The following TSPAN9 variants were observed in gnomAD, a reference collection of about 807,000 sequenced individuals.
TSPAN9 encodes tetraspanin 9, also known as tetraspanin-9.
Under a neutral mutation model 31.0 loss-of-function variants are expected in TSPAN9, and 16 were observed. The observed-to-expected ratio is 0.52, with a 90% CI of 0.35 to 0.78. The LOEUF (loss-of-function observed/expected upper bound fraction) is 0.78, where lower values mean the gene tolerates loss of function less well. Among genes scored for constraint, TSPAN9 ranks in the 30% least tolerant of loss-of-function variants. The pLI is 0.01. For synonymous variants in TSPAN9, 145 were observed against 121.6 expected (o/e 1.19, Z -1.27); for missense variants, 272 against 312.5 (o/e 0.87, Z 0.98).
chr12:3,259,296 G>A (rs1367143901), intron 3 of TSPAN9, among the ~76,000 whole-genome samples: 2 of 152,146 alleles, frequency 1.3e-5, no homozygotes, highest in African/African-American at 4.8e-5. Context: ...CCGTAACTCA[G>A]TACCCTGCTA....
intron 2 of TSPAN9, among the ~76,000 whole-genome samples, chr12:3,133,227 C>T (rs897546343): frequency 7.9e-5 from 12 of 152,124 alleles, no homozygotes; most frequent in African/African-American, 2.4e-4. Context: ...CCACCCATCC[C>T]GGAAAAAGAG....
chr12:3,194,727 CAG>C (rs1040419591), intron 2 of TSPAN9, among the ~76,000 whole-genome samples: 1 of 152,292 alleles, frequency 6.6e-6, no homozygotes, highest in African/African-American at 2.4e-5. Context: ...AAAAAACAAA[CAG>C]ATTAAAAACA....
At chr12:3,233,750 C>T (rs1019617116) in intron 3 of TSPAN9, among the ~76,000 whole-genome samples, 7 of 152,190 alleles carry the variant, frequency 4.6e-5, no homozygotes, top group African/African-American at 1.4e-4. Flanking sequence ...AATAATAGTT[C>T]CTCTATGGCA....
At chr12:3,157,102 GT>G (rs748785165) in intron 2 of TSPAN9, among the ~76,000 whole-genome samples, 110 of 142,796 alleles carry the variant, frequency 7.7e-4, no homozygotes, top group Middle Eastern at 3.6e-3. Context: ...TGAATGTGGT[GT>G]TTTTTTTTTT....
In TSPAN9 at chr12:3,284,214, C is replaced by T. The variant is rs1375381999; in HGVS notation, c.*1098C>T. 1 of 152,676 alleles carries T rather than the reference C, an allele frequency of 6.5e-6. No homozygotes were observed. Among genetic ancestry groups the T allele is most frequent in the Non-Finnish European group, 1.5e-5 (1 of 68,060 alleles). The allele number at this position is 152,676 out of a possible 1,614,324, so 9.5% of individuals were successfully genotyped here. Reference sequence around the variant, plus strand: ...CACAGACATTCCTGCTAGAAACTGTCAGACAAATACCTCTCTAGTTCGGAT... The same window carrying T: ...CACAGACATTCCTGCTAGAAACTGTTAGACAAATACCTCTCTAGTTCGGAT... On this transcript the variant is annotated 3_prime_UTR_variant, in exon 9 of 9. Coordinates refer to ENST00000011898, the MANE Select transcript of TSPAN9 (RefSeq NM_006675.5).
intron 2 of TSPAN9, among the ~76,000 whole-genome samples, chr12:3,112,746 G>A (rs2098319785): frequency 7.8e-6 from 1 of 128,086 alleles, no homozygotes; most frequent in South Asian, 2.7e-4. Context: ...TGAGTGGTAT[G>A]ACCATAGCTC....
intron 3 of TSPAN9, among the ~76,000 whole-genome samples, chr12:3,202,763 G>T (rs2098372683): frequency 6.6e-6 from 1 of 152,144 alleles, no homozygotes; most frequent in South Asian, 2.1e-4. Context: ...TCCCCTAGTT[G>T]TCACCATGGG....
chr12:3,162,508 C>T (rs1301386644), intron 2 of TSPAN9, among the ~76,000 whole-genome samples: 3 of 152,000 alleles, frequency 2.0e-5, no homozygotes, highest in Non-Finnish European at 4.4e-5. Context: ...TCTTGTTCTA[C>T]CTGGAGAGGT....
At chr12:3,281,929 C>G (rs1385969838) in intron 8 of TSPAN9, 112 bp downstream of exon 8, 3 of 1,187,212 alleles carry the variant, frequency 2.5e-6, no homozygotes, top group Non-Finnish European at 3.7e-6. Flanking sequence ...GTCTGGAATT[C>G]ATCACAGCTA....
chr12:3,081,076 A>G (rs1185317445), intron 1 of TSPAN9, among the ~76,000 whole-genome samples: 1 of 152,180 alleles, frequency 6.6e-6, no homozygotes, highest in East Asian at 1.9e-4. Context: ...TGAGGATAAC[A>G]ATACCAAGTA....
chr12:3,105,765 C>A (rs978610803), intron 2 of TSPAN9, among the ~76,000 whole-genome samples: 1 of 71,534 alleles, frequency 1.4e-5, no homozygotes, highest in East Asian at 7.8e-4. Context: ...CACGCACACA[C>A]GCGCACGCAC....
chr12:3,184,132 G>A (rs2098359836), intron 2 of TSPAN9, among the ~76,000 whole-genome samples: 1 of 152,170 alleles, frequency 6.6e-6, no homozygotes, highest in Non-Finnish European at 1.5e-5. Flanking sequence ...GTGCACACCT[G>A]TAATCCCAGC....
chr12:3,274,885 A>G (rs1007837700), intron 3 of TSPAN9, among the ~76,000 whole-genome samples: 2 of 152,230 alleles, frequency 1.3e-5, no homozygotes, highest in South Asian at 2.1e-4. Flanking sequence ...GGGAGCTGTG[A>G]TGGAGGCAGG....
intron 3 of TSPAN9, among the ~76,000 whole-genome samples, chr12:3,256,746 G>A (rs117855192): frequency 0.013 from 1,956 of 152,200 alleles, 15 homozygotes; most frequent in Non-Finnish European, 0.02. Context: ...CGACTATTTC[G>A]CATTGCCTAC....
At chr12:3,221,446 C>A (rs755129180) in intron 3 of TSPAN9, among the ~76,000 whole-genome samples, 1 of 150,226 alleles carries the variant, frequency 6.7e-6, no homozygotes, top group Admixed American at 6.6e-5. Flanking sequence ...GCAATCTCTG[C>A]CCCCCAGGTT....
intron 2 of TSPAN9, among the ~76,000 whole-genome samples, chr12:3,164,208 C>T (rs1226811006): frequency 6.6e-6 from 1 of 152,180 alleles, no homozygotes; most frequent in Non-Finnish European, 1.5e-5. Flanking sequence ...TGAGTTTTTG[C>T]TTTCTATTAT....
chr12:3,123,219 C>G (rs928643050), intron 2 of TSPAN9, among the ~76,000 whole-genome samples: 1 of 152,320 alleles, frequency 6.6e-6, no homozygotes, highest in Non-Finnish European at 1.5e-5. Flanking sequence ...GCATCCCTCA[C>G]CTGCATCCAA....
In TSPAN9 at chr12:3,172,282, T is replaced by C. The variant is rs2098352334; in HGVS notation, c.-17-28895T>C. On this transcript the variant is annotated intron_variant, in intron 2 of 8. Coordinates refer to ENST00000011898, the MANE Select transcript of TSPAN9 (RefSeq NM_006675.5). This position sits in a 1 kb window ranked among gnomAD's most constrained non-coding sequence, Gnocchi z 4.8. ...GGGAGCGAGGGATGCAGATTGGTCC[T>C]GGTGCAGGCGGCCCTCTCTGTCTTG... is the stretch of plus-strand genomic sequence containing the variant. 1 of 152,364 alleles carries C rather than the reference T, an allele frequency of 6.6e-6. No homozygotes were observed. Among genetic ancestry groups the C allele is most frequent in the Admixed American group, 6.5e-5 (1 of 15,290 alleles). The allele number at this position is 152,364 out of a possible 1,614,324, so 9.4% of individuals were successfully genotyped here.
At chr12:3,082,221 G>A (rs938449641) in intron 1 of TSPAN9, among the ~76,000 whole-genome samples, 2 of 152,192 alleles carry the variant, frequency 1.3e-5, no homozygotes, top group African/African-American at 4.8e-5. Context: ...AAGTGGTGGT[G>A]GACATGAACC....
Sources: gnomAD v4.1 joint callset for allele counts (sites outside exome capture counted in the v4.1 genomes callset) on GRCh38, gnomAD v4.1.1 for gene constraint, Gnocchi (gnomAD v3.1) non-coding constraint, MANE v1.5 for transcripts, NCBI Gene and HGNC (gene_info 2026-07-23, HGNC 2026-07-21) for gene names.